The following PCDHGA1 variants were observed in gnomAD, a reference collection of about 807,000 sequenced individuals.
The protein encoded by PCDHGA1 is protocadherin gamma subfamily A, 1.
PCDHGA1 carries 32 observed loss-of-function variants against 58.0 expected under a neutral mutation model. The observed-to-expected ratio is 0.55, with a 90% confidence interval of 0.42 to 0.74. The LOEUF (loss-of-function observed/expected upper bound fraction) is 0.74, where lower values mean the gene tolerates loss of function less well. Among genes scored for constraint, PCDHGA1 ranks in the 30% least tolerant of loss-of-function variants. PCDHGA1 has a pLI of 0.00. For missense variants in PCDHGA1, 1,205 were observed against 1,182.3 expected, an observed-to-expected ratio of 1.02 and a Z score of -0.28; for synonymous variants, 498 against 501.1, an observed-to-expected ratio of 0.99 and a Z score of 0.08.
rs62378403 is a variant in PCDHGA1 at position 141,332,643 on chromosome 5, G to T, written c.1959G>T (p.Pro653=). 0.15 allele frequency: 247,049 copies of T among 1,610,610 alleles called. 20,359 individuals are homozygous for T. Among genetic ancestry groups the T allele is most frequent in the Admixed American group, 0.26 (15,333 of 59,896 alleles). The change falls in exon 1 of 4, where the codon CCG becomes CCT. Residue 653 remains proline, a synonymous_variant. Transcript: ENST00000517417. This position sits in a 1 kb window ranked among gnomAD's most constrained non-coding sequence, Gnocchi z 4.6. Reference sequence around the variant, plus strand: ...CCGTCCAGGACCACGGCCAGCCCCCGCTCTCCGCCACTGTCACGCTCACCG... The same window carrying T: ...CCGTCCAGGACCACGGCCAGCCCCCTCTCTCCGCCACTGTCACGCTCACCG... ...VVAVQDHGQP[P]LSATVTLTVA... is the part of the protein sequence containing the mutation.
chr5:141,510,420 G>A (rs1275392355), intron 3 of PCDHGA1, among the ~76,000 whole-genome samples: 2 of 152,126 alleles, frequency 1.3e-5, no homozygotes, highest in Non-Finnish European at 2.9e-5. Flanking sequence ...TAAAGCCATG[G>A]TTTCATGGCT....
chr5:141,332,666 C>A lies in PCDHGA1; in HGVS notation c.1982C>A (p.Thr661Asn). Residue 661 changes from threonine to asparagine, a missense_variant, in exon 1 of 4, where the codon ACC (threonine) becomes AAC (asparagine). Physicochemically the swap from Thr to Asn is moderately conservative, Grantham distance 65. Coordinates refer to ENST00000517417, the MANE Select transcript of PCDHGA1 (RefSeq NM_018912.3). The surrounding 1 kb of genome is among the most constrained non-coding windows in gnomAD (Gnocchi z 4.6). ...CCGCTCTCCGCCACTGTCACGCTCA[C>A]CGTGGCCGTGGCCGACAGGATCTCC... ...QPPLSATVTL[T>N]VAVADRISDI... The A allele has an allele frequency of 6.2e-7, 1 of 1,613,378 alleles. No individual in the cohort carries two copies. Among genetic ancestry groups the A allele is most frequent in the South Asian group, 1.1e-5 (1 of 91,054 alleles).
Position 141,477,161 on chromosome 5 carries a change from G to A in PCDHGA1, c.2422-17646G>A, listed in dbSNP as rs761453939. On this transcript the variant is annotated intron_variant, in intron 1 of 3. Transcript: ENST00000517417. The surrounding 1 kb of genome is among the most constrained non-coding windows in gnomAD (Gnocchi z 4.9). ...GGAGGTTGTGGATGTGAATGACAAC[G>A]CCCCGGAGATCACAGTCACCTCCGT... 1.9e-6 allele frequency: 3 copies of A among 1,613,988 alleles called. No individual in the cohort carries two copies. The highest frequency in any genetic ancestry group is 2.7e-5 in the African/African-American group (2 of 74,904).
chr5:141,460,951 GTA>G (rs200454978), intron 1 of PCDHGA1, among the ~76,000 whole-genome samples: 208 of 139,744 alleles, frequency 1.5e-3, no homozygotes, highest in South Asian at 4.3e-3. Flanking sequence ...TATGTATTAT[GTA>G]TATATATATG....
At chr5:141,370,746 C>A in intron 1 of PCDHGA1, 1 of 1,613,906 alleles carries the variant, frequency 6.2e-7, no homozygotes, top group Non-Finnish European at 8.5e-7. Context: ...AAACTTTTTT[C>A]ATGTAACTGT....
chr5:141,365,948 C>T, intron 1 of PCDHGA1: 1 of 1,614,186 alleles, frequency 6.2e-7, no homozygotes, highest in Non-Finnish European at 8.5e-7. Context: ...CAGTGGGAAC[C>T]CTCCACTTAG....
chr5:141,413,390 C>G, intron 1 of PCDHGA1: 1 of 1,614,010 alleles, frequency 6.2e-7, no homozygotes, highest in Non-Finnish European at 8.5e-7. Context: ...CGCATAGTCT[C>G]CAGAGGTAGG....
At chr5:141,475,448 G>A (rs774710049) in intron 1 of PCDHGA1, among the ~76,000 whole-genome samples, 1 of 152,214 alleles carries the variant, frequency 6.6e-6, no homozygotes, top group Non-Finnish European at 1.5e-5. Flanking sequence ...CAGATAATGA[G>A]GAAGTGACAG....
intron 1 of PCDHGA1, chr5:141,365,047 G>A (rs1436850571): frequency 2.5e-6 from 4 of 1,613,804 alleles, no homozygotes; most frequent in Non-Finnish European, 3.4e-6. Flanking sequence ...ACGACAATGC[G>A]CCCCTGTTCA....
At chr5:141,382,093 T>C (rs1420552886) in intron 1 of PCDHGA1, among the ~76,000 whole-genome samples, 1 of 152,090 alleles carries the variant, frequency 6.6e-6, no homozygotes, top group Non-Finnish European at 1.5e-5. Context: ...CCTCACAAAG[T>C]GTGGGATTAC....
At chr5:141,413,625 C>A (rs372855865) in intron 1 of PCDHGA1, 22 of 1,613,734 alleles carry the variant, frequency 1.4e-5, no homozygotes, top group Non-Finnish European at 1.9e-5. Flanking sequence ...ATGAAAATGT[C>A]GCTGCGGGAA....
chr5:141,399,414 C>T, intron 1 of PCDHGA1: 1 of 1,614,034 alleles, frequency 6.2e-7, no homozygotes, highest in East Asian at 2.2e-5. Flanking sequence ...CGCCCCTCTC[C>T]TCCAGCATAA....
chr5:141,347,137 C>CTTTCTTTCTTTCTTTCTTTCTT (rs1554073405), intron 1 of PCDHGA1, among the ~76,000 whole-genome samples: 2 of 113,744 alleles, frequency 1.8e-5, no homozygotes, highest in East Asian at 2.4e-4. Flanking sequence ...CTCTGTTTCT[C>CTTTCTTTCTTTCTTTCTTTCTT]TCTTTCTTTC....
intron 1 of PCDHGA1, among the ~76,000 whole-genome samples, chr5:141,474,643 CCTTA>C (rs1474125632): frequency 1.3e-5 from 2 of 152,134 alleles, no homozygotes; most frequent in Admixed American, 1.3e-4. Flanking sequence ...TCCTATATAT[CCTTA>C]CTTCTTTTCT....
chr5:141,460,270 C>G (rs1223096441), intron 1 of PCDHGA1, among the ~76,000 whole-genome samples: 1 of 151,828 alleles, frequency 6.6e-6, no homozygotes, highest in Non-Finnish European at 1.5e-5. Context: ...TTTATTTTTT[C>G]TTTTATAGTT....
intron 1 of PCDHGA1, chr5:141,440,430 G>A (rs965990102): frequency 6.6e-6 from 1 of 152,196 alleles, no homozygotes; most frequent in African/African-American, 2.4e-5. Flanking sequence ...CTGGGTGACA[G>A]AGCAAGGCGC....
chr5:141,392,794 G>A (rs1002894691), intron 1 of PCDHGA1: 2 of 1,563,344 alleles, frequency 1.3e-6, no homozygotes, highest in African/African-American at 1.4e-5. Flanking sequence ...ATTCTGAGAG[G>A]ATTCTGCAGC....
rs758993148 is a variant in PCDHGA1 at position 141,430,863 on chromosome 5, T to C, written c.2422-63944T>C. On this transcript the variant is annotated intron_variant, in intron 1 of 3. Transcript: ENST00000517417. Reference sequence around the variant, plus strand: ...GGATGCACCCAGATACGCTATTCAGTTCCGGAAGAGCTGGAGAAAGGCTCT... The same window carrying C: ...GGATGCACCCAGATACGCTATTCAGCTCCGGAAGAGCTGGAGAAAGGCTCT... 8 of 1,594,990 alleles carry C rather than the reference T, an allele frequency of 5.0e-6. No individual in the cohort carries two copies. In the South Asian group the frequency reaches 8.0e-5, roughly 16 times the overall value.
chr5:141,484,375 G>C (rs188702244), intron 1 of PCDHGA1, among the ~76,000 whole-genome samples: 2 of 152,258 alleles, frequency 1.3e-5, no homozygotes, highest in African/African-American at 4.8e-5. Flanking sequence ...ACTAGCAAAT[G>C]TCTGAATAAG....
Sources: allele counts gnomAD v4.1 joint callset (sites outside exome capture counted in the v4.1 genomes callset), GRCh38; gene constraint gnomAD v4.1.1; non-coding constraint Gnocchi (gnomAD v3.1); transcripts MANE v1.5; gene names NCBI Gene and HGNC (gene_info 2026-07-23, HGNC 2026-07-21).